TRPM5: variants seen among roughly 807,000 people sequenced by gnomAD.
The protein encoded by TRPM5 is MLSN1 and TRP-related.
TRPM5 carries 121 observed loss-of-function variants against 124.9 expected under a neutral mutation model. That is an observed-to-expected ratio of 0.97 (90% confidence interval 0.84 to 1.13). TRPM5 has a LOEUF of 1.13. TRPM5 is among the 50% of genes most tolerant of loss of function. The pLI is 0.00. For missense variants in TRPM5, 1,643 were observed against 1,589.1 expected (o/e 1.03, Z -0.58); for synonymous variants, 781 against 700.5 (o/e 1.11, Z -1.81).
intron 4 of TRPM5, 94 bp from the exon 10 acceptor site, chr11:2,418,685 AG>A (rs1845724016): frequency 1.5e-6 from 2 of 1,295,692 alleles, no homozygotes; most frequent in South Asian, 2.7e-5. Flanking sequence ...TCTGGCCAAA[AG>A]CTGGCTCTTC....
rs551032330 is a variant in TRPM5, at chr11:2,409,725, C to T, written c.2782+1627G>A. ...TACTTGCTCGGCAGCTGAACGGAGC[C>T]CAAGGAATTGCAGCTCAGGGAGGGG... On this transcript the variant is annotated intron_variant, in intron 18 of 23. Transcript: ENST00000155858. Among the ~76,000 whole-genome samples the T allele has an allele frequency of 2.6e-5, 4 of 152,180 alleles. No homozygotes were observed. The East Asian group carries it at 7.8e-4, about 29-fold the overall frequency.
chr11:2,441,372 C>T, the TRPM5 span, among the ~76,000 whole-genome samples: 10 of 152,084 alleles, frequency 6.6e-5, no homozygotes, highest in Admixed American at 3.9e-4. The surrounding 1 kb of genome is among the most constrained non-coding windows in gnomAD (Gnocchi z 7.2). Flanking sequence ...CTTGTATTGT[C>T]TGTCCTACCA....
exon 1 of TRPM5, chr11:2,423,022 T>A (rs1356651685): frequency 6.2e-7 from 1 of 1,611,770 alleles, no homozygotes; most frequent in Admixed American, 1.7e-5. Context: ...GACGGGGGCC[T>A]TGGACATCCT....
chr11:2,415,352 C>A, exon 9 of TRPM5: 1 of 1,585,862 alleles, frequency 6.3e-7, no homozygotes, highest in Admixed American at 1.7e-5. Flanking sequence ...GGTAGAGCTC[C>A]TGCAGCCGCC....
At chr11:2,407,215 G>A (rs770236520) in exon 20 of TRPM5, 2 of 1,611,598 alleles carry the variant, frequency 1.2e-6, no homozygotes, top group Non-Finnish European at 8.5e-7. Flanking sequence ...GCCAGGGCGG[G>A]GCGCTCGTGG....
In TRPM5 at chr11:2,415,260, C is replaced by T. The variant is rs201076954; in HGVS notation, c.1340G>A (p.Gly447Asp). 66 of 1,570,078 alleles carry T rather than the reference C, an allele frequency of 4.2e-5. No homozygotes were observed. The Admixed American group carries it at 6.5e-4, about 16-fold the overall frequency. ...GGGTGGCTCCCGGGCCTGCTGGGTGCCCAGGCCGGCCAGCGTCAGCCGGGC... is the reference window on the plus strand; with the variant it reads ...GGGTGGCTCCCGGGCCTGCTGGGTGTCCAGGCCGGCCAGCGTCAGCCGGGC... The change falls in exon 9 of 24, where the codon GGC becomes GAC. Residue 447 changes from glycine to aspartate, a missense_variant. Coordinates refer to ENST00000155858, the Ensembl canonical transcript of TRPM5.
chr11:2,413,653 G>A, intron 12 of TRPM5, 65 bp from the exon 18 acceptor site: 3 of 1,461,360 alleles, frequency 2.1e-6, no homozygotes, highest in Non-Finnish European at 2.8e-6. Context: ...CCCTGCCCCA[G>A]GAATGCCCTT....
At chr11:2,414,014 C>T in intron 12 of TRPM5, 47 bp downstream of exon 17, 15 of 533,196 alleles carry the variant, frequency 2.8e-5, no homozygotes, top group Non-Finnish European at 4.5e-5. Flanking sequence ...AGCTCGCCCG[C>T]CCACCCCACC....
chr11:2,414,928 C>T lies in TRPM5; in HGVS notation c.1599G>A (p.Met533Ile), dbSNP rs201298528. 8.8e-5 allele frequency: 142 copies of T among 1,607,100 alleles called. No homozygotes were observed. The highest frequency in any genetic ancestry group is 1.2e-4 in the Non-Finnish European group (139 of 1,178,422). The change falls in exon 10 of 24, where the codon ATG (methionine) becomes ATA (isoleucine). Residue 533 changes from methionine to isoleucine, a missense_variant. Met to Ile is a conservative substitution (Grantham distance 10). Coordinates refer to ENST00000155858, the Ensembl canonical transcript of TRPM5. ...TCACCATGGCCCAGAAGTAGGTGGC[C>T]ATCTCGTGGCGGTTCTGCAGCACGG...
exon 15 of TRPM5, chr11:2,412,828 G>T: frequency 6.2e-7 from 1 of 1,603,956 alleles, no homozygotes; most frequent in Non-Finnish European, 8.5e-7. Context: ...GGGCCCTGGG[G>T]GGGCGGCCTG....
intron 6 of TRPM5, 110 bp downstream of exon 11, chr11:2,418,057 G>T (rs906989308): frequency 8.9e-7 from 1 of 1,119,904 alleles, no homozygotes; most frequent in Non-Finnish European, 1.3e-6. Context: ...GGGCCCAGCA[G>T]CCTGAGGTGG....
chr11:2,423,336 T>G (rs1045912403), upstream of TRPM5, among the ~76,000 whole-genome samples: 3 of 152,152 alleles, frequency 2.0e-5, no homozygotes, highest in Non-Finnish European at 4.4e-5. Flanking sequence ...CTGGTTCCTC[T>G]ACTCACCCCA....
chr11:2,444,407 GTCGTGGTATCGGCCAGGCC>G, the TRPM5 span, among the ~76,000 whole-genome samples: 2 of 151,794 alleles, frequency 1.3e-5, no homozygotes, highest in Non-Finnish European at 2.9e-5. Flanking sequence ...GCCGTTCTCG[GTCGTGGTATCGGCCAGGCC>G]TTACCCCTTC....
chr11:2,421,081 A>G, exon 3 of TRPM5: 1 of 1,549,902 alleles, frequency 6.5e-7, no homozygotes, highest in Non-Finnish European at 8.7e-7. Context: ...CAGCGAGGCC[A>G]TGCCGACAGC....
exon 12 of TRPM5, chr11:2,414,202 G>C (rs1024399863): frequency 1.2e-6 from 2 of 1,608,704 alleles, no homozygotes; most frequent in Non-Finnish European, 1.7e-6. Context: ...ACTCGGAGAA[G>C]AGGTCTGCCC....
In TRPM5 at chr11:2,411,555, C is replaced by T. The variant is rs73409828; in HGVS notation, c.2608-29G>A. On this transcript the variant is annotated intron_variant, in intron 17 of 23. Transcript: ENST00000155858. ...CACGGGGCAGGGGCAGAGAGAGGGA[C>T]GTCAGCGGCCAGCCGGGTGGGGCCC... 5.2e-4 allele frequency: 830 copies of T among 1,607,276 alleles called. 2 individuals are homozygous for T. In the African/African-American group the frequency reaches 0.01, roughly 19 times the overall value.
At chr11:2,415,291 C>G (rs1845648177) in exon 9 of TRPM5, 1 of 1,578,016 alleles carries the variant, frequency 6.3e-7, no homozygotes, top group Non-Finnish European at 8.6e-7. Context: ...CGGGCCTCCT[C>G]CTGCTTCCGC....
At chr11:2,407,427 T>C in intron 19 of TRPM5, 127 bp from the exon 25 acceptor site, 1 of 955,166 alleles carries the variant, frequency 1.0e-6, no homozygotes, top group Non-Finnish European at 1.6e-6. Flanking sequence ...GCTTCTGCGT[T>C]GCCTCTGGGG....
the TRPM5 span, among the ~76,000 whole-genome samples, chr11:2,430,322 C>T: frequency 6.6e-6 from 1 of 152,228 alleles, no homozygotes; most frequent in Non-Finnish European, 1.5e-5. Context: ...TGACTTGCTT[C>T]CCCTTCATCT....
Sources: gnomAD v4.1 joint callset for allele counts (sites outside exome capture counted in the v4.1 genomes callset) on GRCh38, gnomAD v4.1.1 for gene constraint, Gnocchi (gnomAD v3.1) non-coding constraint, MANE v1.5 for transcripts, NCBI Gene and HGNC (gene_info 2026-07-23, HGNC 2026-07-21) for gene names.